M1AP: variants seen among roughly 807,000 people sequenced by gnomAD.
M1AP encodes the protein meiosis 1 arrest protein.
M1AP carries 39 observed loss-of-function variants against 51.2 expected under a neutral mutation model. The observed-to-expected ratio is 0.76, with a 90% CI of 0.59 to 1.00. The LOEUF (loss-of-function observed/expected upper bound fraction) is 1.00, where lower values mean the gene tolerates loss of function less well. Among genes scored for constraint, M1AP ranks in the 50% least tolerant of loss-of-function variants. M1AP has a pLI of 0.00. For missense variants in M1AP, 545 were observed against 641.2 expected (o/e 0.85, Z 1.62); for synonymous variants, 251 against 249.2 (o/e 1.01, Z -0.07).
At position 74,596,897 on chromosome 2, in the gene M1AP, C is replaced by T. The variant is rs186261074; in HGVS notation, c.595+10158G>A. 9.8e-4 allele frequency among the ~76,000 whole-genome samples: 149 copies of T among 152,274 alleles called. 1 individual carries two copies. The highest frequency in any genetic ancestry group is 3.4e-3 in the African/African-American group (142 of 41,570). On this transcript the variant is annotated intron_variant, in intron 4 of 10. Transcript: ENST00000421985. The stretch of plus-strand genomic sequence containing the variant: ...TGTGTACTTTAGGATTCCACCTACA[C>T]AAAATACAGACTAACCTACAGACAA...
chr2:74,569,706 G>A (rs1369354795), intron 7 of M1AP, among the ~76,000 whole-genome samples: 3 of 152,100 alleles, frequency 2.0e-5, no homozygotes, highest in Non-Finnish European at 4.4e-5. Flanking sequence ...GATTAAAGGA[G>A]AAGCCTTATC....
intron 5 of M1AP, among the ~76,000 whole-genome samples, chr2:74,577,973 T>C (rs1167232968): frequency 6.6e-6 from 1 of 152,244 alleles, no homozygotes; most frequent in East Asian, 1.9e-4. Context: ...CCTCAGATCA[T>C]CAGGCATTAG....
chr2:74,607,664 C>T (rs756557521), intron 3 of M1AP, among the ~76,000 whole-genome samples: 44 of 152,120 alleles, frequency 2.9e-4, no homozygotes, highest in Middle Eastern at 3.4e-3. Context: ...TTTAGTAGAA[C>T]GGGGTTTCAC....
At chr2:74,622,342 G>A (rs1682101822) in intron 2 of M1AP, among the ~76,000 whole-genome samples, 1 of 151,854 alleles carries the variant, frequency 6.6e-6, no homozygotes, top group South Asian at 2.1e-4. Context: ...GAGTTCAAGC[G>A]ATTATCCTGC....
intron 2 of M1AP, among the ~76,000 whole-genome samples, chr2:74,639,051 T>C (rs774850861): frequency 2.0e-5 from 3 of 152,198 alleles, no homozygotes; most frequent in Non-Finnish European, 4.4e-5. Context: ...AAACTTTCCC[T>C]GTGTGACTTT....
chr2:74,602,361 A>G (rs1406638168), intron 4 of M1AP, among the ~76,000 whole-genome samples: 1 of 152,220 alleles, frequency 6.6e-6, no homozygotes, highest in Non-Finnish European at 1.5e-5. Flanking sequence ...TGGCCATTAA[A>G]AACAAATCTC....
Position 74,645,901 on chromosome 2 carries a change from T to G in M1AP, c.-53+2364A>C, listed in dbSNP as rs60873359. ...CCTCATTTTGCATGGTTCAAGTATA[T>G]AGATTTCAGTTACTACAGTTTAGTT... On this transcript the variant is annotated intron_variant, in intron 1 of 10. Transcript: ENST00000421985. 3.4e-3 allele frequency among the ~76,000 whole-genome samples: 514 copies of G among 152,306 alleles called. 18 individuals are homozygous for G. In the East Asian group the frequency reaches 0.085, roughly 25 times the overall value.
intron 4 of M1AP, among the ~76,000 whole-genome samples, chr2:74,592,140 A>G (rs1037829532): frequency 6.6e-6 from 1 of 152,014 alleles, no homozygotes; most frequent in African/African-American, 2.4e-5. Context: ...GATAGACTGT[A>G]TAATAGCTTT....
intron 2 of M1AP, among the ~76,000 whole-genome samples, chr2:74,622,352 C>T (rs1476819014): frequency 6.6e-6 from 1 of 151,932 alleles, no homozygotes; most frequent in African/African-American, 2.4e-5. Flanking sequence ...GATTATCCTG[C>T]CTCAGCCTCC....
intron 2 of M1AP, among the ~76,000 whole-genome samples, chr2:74,622,040 G>A (rs909055249): frequency 2.0e-5 from 3 of 147,650 alleles, no homozygotes; most frequent in African/African-American, 7.5e-5. Flanking sequence ...GAATCACTTA[G>A]ACCTGGGAGG....
chr2:74,576,821 T>C (rs1242228308), intron 5 of M1AP: 7 of 1,300,604 alleles, frequency 5.4e-6, no homozygotes, highest in Non-Finnish European at 7.1e-6. Context: ...GTCTGGAAGC[T>C]ATAGTATCTC....
At chr2:74,633,709 G>A in intron 2 of M1AP, among the ~76,000 whole-genome samples, 1 of 152,086 alleles carries the variant, frequency 6.6e-6, no homozygotes, top group Non-Finnish European at 1.5e-5. Flanking sequence ...CATACCTATT[G>A]TGTTGGTCCT....
At chr2:74,611,654 G>T (rs1681351844) in intron 3 of M1AP, among the ~76,000 whole-genome samples, 1 of 151,674 alleles carries the variant, frequency 6.6e-6, no homozygotes, top group African/African-American at 2.4e-5. Flanking sequence ...CCAACATGGA[G>T]AAACGCCATC....
intron 2 of M1AP, among the ~76,000 whole-genome samples, chr2:74,638,938 T>C (rs891075933): frequency 1.1e-4 from 16 of 152,214 alleles, no homozygotes; most frequent in African/African-American, 3.6e-4. Flanking sequence ...AAAGGATCAG[T>C]TGAATTTCTT....
rs115002652 is a variant in M1AP at position 74,593,857 on chromosome 2, T to C, written c.596-12010A>G. Among the ~76,000 whole-genome samples the C allele has an allele frequency of 5.0e-3, 763 of 152,270 alleles. 9 individuals carry two copies. Among genetic ancestry groups the C allele is most frequent in the African/African-American group, 0.016 (666 of 41,554 alleles). Reference sequence around the variant, plus strand: ...ACAATAGTGTGAAGGCAGCTAAAAATTGGAAAGAAAAGCCTTTGTCTTTCA... The same window carrying C: ...ACAATAGTGTGAAGGCAGCTAAAAACTGGAAAGAAAAGCCTTTGTCTTTCA... On this transcript the variant is annotated intron_variant, in intron 4 of 10. Transcript: ENST00000421985.
Position 74,648,304 on chromosome 2 carries a change from C to T in M1AP, c.-92G>A. On this transcript the variant is annotated 5_prime_UTR_variant, in exon 1 of 11. Transcript: ENST00000421985. ...CGGAGGCCCCCTCACCTGGTCCTCC[C>T]GGCTCTCAGCGTGCGCCCGCGCGTT... 2 of 985,488 alleles carry T rather than the reference C, an allele frequency of 2.0e-6. No homozygotes were observed. The highest frequency in any genetic ancestry group is 2.4e-6 in the Non-Finnish European group (2 of 829,974). The allele number at this position is 985,488 out of a possible 1,614,324, so 61.0% of individuals were successfully genotyped here. A position where few individuals can be genotyped will look rare whatever the true frequency, so the allele number is the denominator to read the frequency against.
chr2:74,599,344 CTT>C (rs1680537903), intron 4 of M1AP, among the ~76,000 whole-genome samples: 1 of 151,706 alleles, frequency 6.6e-6, no homozygotes. Context: ...TTCCCCAACC[CTT>C]GTCATGAAAA....
chr2:74,584,745 A>G (rs363678), intron 4 of M1AP, among the ~76,000 whole-genome samples: 3,551 of 149,696 alleles, frequency 0.024, 118 homozygotes, highest in African/African-American at 0.072. Context: ...TTACCCTAAG[A>G]AGGCAGAATG....
rs770323846 is a variant in M1AP at position 74,575,596 on chromosome 2, ACAGT to A, written c.933-21_933-18del. On this transcript the variant is annotated intron_variant, in intron 6 of 10. Transcript: ENST00000421985. ...TTTAAAGCCCTAGGAAGAGATAATT[ACAGT>A]CAAAGACTCCTTAGTGATATCTAGA... is the stretch of plus-strand genomic sequence containing the variant. 3.8e-6 allele frequency: 6 copies of A among 1,596,112 alleles called. No individual in the cohort carries two copies. The highest frequency in any genetic ancestry group is 4.3e-6 in the Non-Finnish European group (5 of 1,164,500).
Sources: gnomAD v4.1 joint callset for allele counts (sites outside exome capture counted in the v4.1 genomes callset) on GRCh38, gnomAD v4.1.1 for gene constraint, MANE v1.5 for transcripts, NCBI Gene and HGNC (gene_info 2026-07-23, HGNC 2026-07-21) for gene names.